The following PCGF3 variants were observed in gnomAD, a reference collection of about 807,000 sequenced individuals.
PCGF3 encodes the protein polycomb group RING finger protein 3.
Under a neutral mutation model 33.1 loss-of-function variants are expected in PCGF3, and 7 were observed. That is an observed-to-expected ratio of 0.21 (90% CI 0.12 to 0.40). The LOEUF (loss-of-function observed/expected upper bound fraction) is 0.40, where lower values mean the gene tolerates loss of function less well. Ranked by LOEUF, PCGF3 falls within the 10% of genes least tolerant of loss-of-function variation. The pLI is 1.00. For synonymous variants in PCGF3, 153 were observed against 121.3 expected (o/e 1.26, Z -1.72); for missense variants, 211 against 313.3 (o/e 0.67, Z 2.46).
intron 8 of PCGF3, chr4:757,785 C>T (rs917648109): frequency 2.0e-5 from 3 of 152,140 alleles, no homozygotes; most frequent in Non-Finnish European, 4.4e-5. Context: ...TTTCTTTAAT[C>T]TCTTTCTTTC....
intron 10 of PCGF3, 56 bp from the exon 11 acceptor site, chr4:765,976 G>T (rs1464495685): frequency 6.5e-7 from 1 of 1,526,786 alleles, no homozygotes; most frequent in Non-Finnish European, 9.1e-7. Flanking sequence ...GATGAAGTAG[G>T]TCCTTCTCGC....
At chr4:706,926 G>A (rs1422309711) in intron 1 of PCGF3, among the ~76,000 whole-genome samples, 1 of 135,888 alleles carries the variant, frequency 7.4e-6, no homozygotes, top group Non-Finnish European at 1.6e-5. Flanking sequence ...GGACCCAGGT[G>A]AGGGCAAAGA....
intron 1 of PCGF3, among the ~76,000 whole-genome samples, chr4:713,549 A>AGGGCTGTGGGCTGGTGG (rs1553841761): frequency 1.6e-5 from 2 of 128,880 alleles, no homozygotes; most frequent in Non-Finnish European, 3.3e-5. Flanking sequence ...TGGCCTCGTC[A>AGGGCTGTGGGCTGGTGG]GGGCTGTGGC....
chr4:759,855 C>T (rs1395396149), intron 8 of PCGF3, among the ~76,000 whole-genome samples: 3 of 71,246 alleles, frequency 4.2e-5, no homozygotes, highest in African/African-American at 5.1e-5. Flanking sequence ...CGCGCGGCCC[C>T]TCTCCCGAGT....
At chr4:761,190 G>T in intron 8 of PCGF3, 89 bp from the exon 9 acceptor site, 1 of 1,126,576 alleles carries the variant, frequency 8.9e-7, no homozygotes, top group Non-Finnish European at 1.2e-6. Context: ...GTCCTAGATT[G>T]AGGAATTAGT....
At chr4:712,173 G>C (rs886297282) in intron 1 of PCGF3, among the ~76,000 whole-genome samples, 7 of 152,028 alleles carry the variant, frequency 4.6e-5, no homozygotes, top group Admixed American at 6.5e-5. Context: ...TTTTAAAAAT[G>C]TGAGGCCTTA....
At position 721,306 on chromosome 4, in the gene PCGF3, AACTG is replaced by A. The variant is rs1424518865; in HGVS notation, c.-189-9320_-189-9317del. ...TCTGGAAAGTTCCATAACTCAGCAA[AACTG>A]ACTCACAAACAACAGAAACTTCAAG... On this transcript the variant is annotated intron_variant, in intron 1 of 10. Coordinates refer to ENST00000362003, the Ensembl canonical transcript of PCGF3. This position sits in a 1 kb window ranked among gnomAD's most constrained non-coding sequence, Gnocchi z 4.1. Among the ~76,000 whole-genome samples, 1 of 152,134 alleles carries A rather than the reference AACTG, an allele frequency of 6.6e-6. No individual in the cohort carries two copies. Among genetic ancestry groups the A allele is most frequent in the East Asian group, 1.9e-4 (1 of 5,200 alleles).
chr4:765,525 G>A (rs1215727867), intron 10 of PCGF3, among the ~76,000 whole-genome samples: 2 of 152,232 alleles, frequency 1.3e-5, no homozygotes, highest in Admixed American at 6.5e-5. Context: ...AGCCAGCTTG[G>A]AAGGTGCCAG....
intron 1 of PCGF3, among the ~76,000 whole-genome samples, chr4:719,110 A>G (rs998001533): frequency 1.3e-5 from 2 of 151,904 alleles, no homozygotes; most frequent in African/African-American, 4.8e-5. Context: ...ACGTGCCACC[A>G]TGCCCGGCTA....
At chr4:735,531 C>CGA (rs748876639) in intron 5 of PCGF3, among the ~76,000 whole-genome samples, 1 of 132,792 alleles carries the variant, frequency 7.5e-6, no homozygotes, top group Non-Finnish European at 1.7e-5. Flanking sequence ...GGCGACAGAG[C>CGA]GAGACTCTGT....
intron 1 of PCGF3, among the ~76,000 whole-genome samples, chr4:708,750 T>C (rs1309864041): frequency 1.3e-5 from 2 of 152,060 alleles, no homozygotes; most frequent in African/African-American, 4.8e-5. Context: ...TTCCTCAGTG[T>C]AGAGGCGTTT....
At chr4:710,744 A>AC (rs1310534985) in intron 1 of PCGF3, among the ~76,000 whole-genome samples, 2 of 151,896 alleles carry the variant, frequency 1.3e-5, no homozygotes, top group African/African-American at 2.4e-5. Flanking sequence ...AAGCCAAAAG[A>AC]CCCCCCCACA....
In PCGF3 at chr4:722,372, C is replaced by T. The variant is rs866994862; in HGVS notation, c.-189-8258C>T. 6 of 195,742 alleles carry T rather than the reference C, an allele frequency of 3.1e-5. No homozygotes were observed. In the South Asian group the frequency reaches 4.6e-4, roughly 15 times the overall value. The allele number at this position is 195,742 out of a possible 1,614,324, so 12.1% of individuals were successfully genotyped here. A position where few individuals can be genotyped will look rare whatever the true frequency, so the allele number is the denominator to read the frequency against. ...CTCCCAGCATCCCGCAGCTAAATGA[C>T]AGGAGCTGGAGGCTGCCCCAGGCAG... On this transcript the variant is annotated intron_variant, in intron 1 of 10. Coordinates refer to ENST00000362003, the Ensembl canonical transcript of PCGF3.
chr4:758,197 AAAGTCACTGT>A (rs1330371437), intron 8 of PCGF3, among the ~76,000 whole-genome samples: 1 of 145,610 alleles, frequency 6.9e-6, no homozygotes, highest in African/African-American at 2.6e-5. Flanking sequence ...AAAAAAGTCC[AAAGTCACTGT>A]AAGTCTGTGC....
intron 8 of PCGF3, among the ~76,000 whole-genome samples, chr4:752,851 G>A (rs1014522436): frequency 3.9e-5 from 6 of 152,230 alleles, no homozygotes; most frequent in African/African-American, 1.2e-4. Context: ...CCAAACACTC[G>A]GCCTCCGCCC....
intron 8 of PCGF3, among the ~76,000 whole-genome samples, chr4:754,775 G>C (rs1744694444): frequency 6.6e-6 from 1 of 152,220 alleles, no homozygotes; most frequent in South Asian, 2.1e-4. Flanking sequence ...TTGCCACTTA[G>C]CGCAGCTGCT....
At chr4:732,246 C>T (rs1181662525) in intron 3 of PCGF3, among the ~76,000 whole-genome samples, 2 of 149,692 alleles carry the variant, frequency 1.3e-5, no homozygotes, top group African/African-American at 4.9e-5. Context: ...TGGGGCTCCC[C>T]CTCCCCTCCC....
intron 1 of PCGF3, among the ~76,000 whole-genome samples, chr4:713,954 A>G (rs999230882): frequency 6.6e-6 from 1 of 152,136 alleles, no homozygotes; most frequent in African/African-American, 2.4e-5. Flanking sequence ...AAAAAATCGC[A>G]ATACAGAAAA....
In PCGF3 at chr4:723,184, G is replaced by A. The variant is rs114660230; in HGVS notation, c.-189-7446G>A. On this transcript the variant is annotated intron_variant, in intron 1 of 10. Coordinates refer to ENST00000362003, the Ensembl canonical transcript of PCGF3. Reference sequence around the variant, plus strand: ...GGTCCACACTCGGTCATCGCCATCCGCGCGGGGATGTGTCTGAAAAGTGTG... The same window carrying A: ...GGTCCACACTCGGTCATCGCCATCCACGCGGGGATGTGTCTGAAAAGTGTG... 4.1e-3 allele frequency among the ~76,000 whole-genome samples: 623 copies of A among 152,182 alleles called. 5 individuals are homozygous for A. The highest frequency in any genetic ancestry group is 0.014 in the African/African-American group (596 of 41,518).
Sources: allele counts gnomAD v4.1 joint callset (sites outside exome capture counted in the v4.1 genomes callset), GRCh38; gene constraint gnomAD v4.1.1; non-coding constraint Gnocchi (gnomAD v3.1); transcripts MANE v1.5; gene names NCBI Gene and HGNC (gene_info 2026-07-23, HGNC 2026-07-21).